MTA1: variants seen among roughly 807,000 people sequenced by gnomAD.
MTA1 encodes metastasis-associated protein MTA1.
MTA1 carries 15 observed loss-of-function variants against 97.0 expected under a neutral mutation model. That is an observed-to-expected ratio of 0.15 (90% confidence interval 0.10 to 0.24). The LOEUF (loss-of-function observed/expected upper bound fraction) is 0.24, where lower values mean the gene tolerates loss of function less well. MTA1 is among the 10% of genes least tolerant of loss of function. The probability of loss-of-function intolerance (pLI) is 1.00; values close to 1 mark genes in which losing one functional copy is unlikely to be tolerated. For synonymous variants in MTA1, 435 were observed against 417.5 expected (o/e 1.04, Z -0.51); for missense variants, 709 against 1,015.1 (o/e 0.70, Z 4.10).
rs1555433971 is a variant in MTA1 at position 105,469,932 on chromosome 14, G to A, written c.1937G>A (p.Arg646Gln). Residue 646 changes from arginine to glutamine, a missense_variant, in exon 20 of 21, where the codon CGG becomes CAG. This residue lies in a region of MTA1 where 388 missense variants were observed against 421.6 expected (regional missense o/e 0.92). Coordinates refer to ENST00000331320, the MANE Select transcript of MTA1 (RefSeq NM_004689.4). ...GGCTCCCTGCCCCCAGTCAAGCGGC[G>A]GCGGATGAACTGGATCGACGCCCCG... Reference protein sequence around the residue: ...RGGSLPPVKRRRMNWIDAPDD... With the variant: ...RGGSLPPVKRQRMNWIDAPDD... The A allele has an allele frequency of 4.3e-6, 7 of 1,612,286 alleles. No homozygotes were observed. In the Admixed American group the frequency reaches 5.0e-5, roughly 12 times the overall value.
intron 18 of MTA1, 44 bp from the exon 19 acceptor site, chr14:105,469,423 C>A: frequency 6.2e-7 from 1 of 1,607,406 alleles, no homozygotes; most frequent in Non-Finnish European, 8.5e-7. Context: ...GAGTGCAGGA[C>A]GCGCTCTCTC....
chr14:105,447,588 A>G (rs2082759992), intron 3 of MTA1, among the ~76,000 whole-genome samples: 1 of 152,048 alleles, frequency 6.6e-6, no homozygotes, highest in Non-Finnish European at 1.5e-5. Flanking sequence ...CTGGGTGGAG[A>G]GCAGTGTCCC....
At chr14:105,469,396 G>T in intron 18 of MTA1, 71 bp from the exon 19 acceptor site, 1 of 1,547,514 alleles carries the variant, frequency 6.5e-7, no homozygotes. Flanking sequence ...GGTGGCTGAG[G>T]CCGTGGTGGG....
chr14:105,467,800 GC>G (rs1807941488), intron 18 of MTA1: 2 of 271,248 alleles, frequency 7.4e-6, no homozygotes, highest in Admixed American at 1.0e-4. Flanking sequence ...CCCAGGAACA[GC>G]CCCATAAGAG....
chr14:105,466,730 A>C lies in MTA1; in HGVS notation c.1801A>C (p.Met601Leu). 1 of 1,594,966 alleles carries C rather than the reference A, an allele frequency of 6.3e-7. No individual in the cohort carries two copies. The highest frequency in any genetic ancestry group is 8.5e-7 in the Non-Finnish European group (1 of 1,172,382). ...AGGCAACATGAAGAAGCGCCTCTTG[A>C]TGCCCAGTAGGGGTAAGGCCTGGAG... ...VDGNMKKRLLMPSRGLANHGQ... is the reference protein window; with the variant it reads ...VDGNMKKRLLLPSRGLANHGQ... The change falls in exon 18 of 21, where the codon ATG becomes CTG. Residue 601 changes from methionine (M) to leucine (L), a missense_variant. Coordinates refer to ENST00000331320, the MANE Select transcript of MTA1 (RefSeq NM_004689.4).
At chr14:105,467,174 A>G (rs1456173685) in intron 18 of MTA1, 3 of 363,786 alleles carry the variant, frequency 8.2e-6, no homozygotes, top group African/African-American at 2.1e-5. Flanking sequence ...GCTTGTACAC[A>G]TGGGTGCCTT....
intron 7 of MTA1, among the ~76,000 whole-genome samples, chr14:105,455,985 A>G (rs587642231): frequency 4.7e-4 from 69 of 145,848 alleles, no homozygotes; most frequent in African/African-American, 1.7e-3. Flanking sequence ...CTGAGTGTGG[A>G]GAGGCCGCTG....
At chr14:105,449,792 C>A (rs1241175927) in intron 4 of MTA1, among the ~76,000 whole-genome samples, 1 of 152,232 alleles carries the variant, frequency 6.6e-6, no homozygotes, top group Admixed American at 6.5e-5. Context: ...CCTCCTCCTT[C>A]CATCTTCATG....
Position 105,466,428 on chromosome 14 carries a change from A to AGCC in MTA1, c.1627_1628insGCC (p.Thr543delinsSerPro). 1.3e-6 allele frequency: 1 copy of AGCC among 795,146 alleles called. No homozygotes were observed. The allele number at this position is 795,146 out of a possible 1,614,324, so 49.3% of individuals were successfully genotyped here. A position where few individuals can be genotyped will look rare whatever the true frequency, so the allele number is the denominator to read the frequency against. On this transcript the variant is annotated protein_altering_variant, in exon 17 of 21. Coordinates refer to ENST00000331320, the MANE Select transcript of MTA1 (RefSeq NM_004689.4). The stretch of plus-strand genomic sequence containing the variant: ...TCTGCCTGTGTCATTCCCGGCAGAG[A>AGCC]CCCACCCCCGCCCCCCCAAGCCTGA...
intron 13 of MTA1, 115 bp downstream of exon 13, chr14:105,464,262 G>T (rs1567043132): frequency 1.4e-6 from 2 of 1,410,856 alleles, no homozygotes; most frequent in Non-Finnish European, 1.9e-6. Context: ...ACTGACGATG[G>T]GGGCTGCGTC....
rs1312460138 is a variant in MTA1, at chr14:105,424,234, C to G, written c.28+4171C>G. Among the ~76,000 whole-genome samples, 17 of 152,180 alleles carry G rather than the reference C, an allele frequency of 1.1e-4. 1 individual carries two copies. Among genetic ancestry groups the G allele is most frequent in the Non-Finnish European group, 1.5e-5 (1 of 68,022 alleles). On this transcript the variant is annotated intron_variant, in intron 1 of 20. Coordinates refer to ENST00000331320, the MANE Select transcript of MTA1 (RefSeq NM_004689.4). The surrounding 1 kb of genome is among the most constrained non-coding windows in gnomAD (Gnocchi z 4.0). ...TTTTGAGACGGAGTCTCGCTCTGTC[C>G]CCCAGGCTGGAGTGCAGTAGCGCAA...
chr14:105,460,697 G>A (rs1595397359), intron 9 of MTA1, 68 bp from the exon 10 acceptor site: 11 of 1,453,554 alleles, frequency 7.6e-6, no homozygotes. Context: ...ACTGAGGGAG[G>A]GGGTACCGTG....
At chr14:105,436,914 G>A (rs587612429) in intron 1 of MTA1, among the ~76,000 whole-genome samples, 11 of 152,362 alleles carry the variant, frequency 7.2e-5, no homozygotes, top group South Asian at 2.1e-4. Context: ...TTGCACAAGC[G>A]TGGACACATC....
At position 105,460,880 on chromosome 14, in the gene MTA1, C is replaced by T; in HGVS notation, c.869C>T (p.Ala290Val). The change falls in exon 10 of 21, where the codon GCA (alanine) becomes GTA (valine). Residue 290 changes from alanine to valine, a missense_variant. Ala to Val is a moderately conservative substitution (Grantham distance 64). This residue lies in a region of MTA1 where 321 missense variants were observed against 593.5 expected (regional missense o/e 0.54). Coordinates refer to ENST00000331320, the MANE Select transcript of MTA1 (RefSeq NM_004689.4). ...LCRDEMEEWS[A>V]SEANLFEEAL... Reference sequence around the variant, plus strand: ...AGGGACGAGATGGAGGAGTGGTCTGCATCAGAGGCCAACCTTTTCGAGGAA... The same window carrying T: ...AGGGACGAGATGGAGGAGTGGTCTGTATCAGAGGCCAACCTTTTCGAGGAA... 6.2e-7 allele frequency: 1 copy of T among 1,613,014 alleles called. No individual in the cohort carries two copies. Among genetic ancestry groups the T allele is most frequent in the Non-Finnish European group, 8.5e-7 (1 of 1,179,742 alleles).
At chr14:105,457,647 C>T (rs782414351) in intron 7 of MTA1, among the ~76,000 whole-genome samples, 5 of 152,238 alleles carry the variant, frequency 3.3e-5, no homozygotes, top group Non-Finnish European at 5.9e-5. Flanking sequence ...AAGCTTGGGC[C>T]GGGCACGGTG....
At chr14:105,441,204 G>A (rs2082499438) in intron 2 of MTA1, among the ~76,000 whole-genome samples, 1 of 152,218 alleles carries the variant, frequency 6.6e-6, no homozygotes, top group African/African-American at 2.4e-5. Context: ...GGCCAGCACA[G>A]TTCGTGCGGG....
chr14:105,463,669 G>A lies in MTA1; in HGVS notation c.1076+118G>A, dbSNP rs182955879. The stretch of plus-strand genomic sequence containing the variant: ...TCAAGCTCAGAGGCTGGGAAAGTTG[G>A]GGCAGCCCCCGGGAGGGCGGCCCAG... On this transcript the variant is annotated intron_variant, in intron 12 of 20. Coordinates refer to ENST00000331320, the MANE Select transcript of MTA1 (RefSeq NM_004689.4). The surrounding 1 kb of genome is among the most constrained non-coding windows in gnomAD (Gnocchi z 5.9). The A allele has an allele frequency of 1.3e-5, 14 of 1,095,516 alleles. No individual in the cohort carries two copies. In the African/African-American group the frequency reaches 1.9e-4, roughly 15 times the overall value. 67.9% of individuals were successfully genotyped at this position (1,095,516 alleles called of 1,614,324 possible).
rs2081765116 is a variant in MTA1 at position 105,419,878 on chromosome 14, C to A, written c.-158C>A. 1 of 185,442 alleles carries A rather than the reference C, an allele frequency of 5.4e-6. No homozygotes were observed. The highest frequency in any genetic ancestry group is 1.8e-4 in the East Asian group (1 of 5,442). 11.5% of individuals were successfully genotyped at this position (185,442 alleles called of 1,614,324 possible). Reference sequence around the variant, plus strand: ...CCCTCCCGTCCCTGCGCGGCCTCGGCGGCCTCGGCGGCGGCGGCGGCGGCG... The same window carrying A: ...CCCTCCCGTCCCTGCGCGGCCTCGGAGGCCTCGGCGGCGGCGGCGGCGGCG... On this transcript the variant is annotated 5_prime_UTR_variant, in exon 1 of 21. Transcript: ENST00000331320.
chr14:105,425,948 A>G (rs1253901966), intron 1 of MTA1, among the ~76,000 whole-genome samples: 1 of 151,548 alleles, frequency 6.6e-6, no homozygotes, highest in African/African-American at 2.4e-5. Flanking sequence ...GAGGGGTCTG[A>G]GGTGACCGCT....
Sources: allele counts gnomAD v4.1 joint callset (sites outside exome capture counted in the v4.1 genomes callset), GRCh38; gene constraint gnomAD v4.1.1; regional missense constraint gnomAD v4.1.1; non-coding constraint Gnocchi (gnomAD v3.1); transcripts MANE v1.5; gene names NCBI Gene and HGNC (gene_info 2026-07-23, HGNC 2026-07-21).